Variants in KIAA1217 observed in about 807,000 individuals in gnomAD.
The protein encoded by KIAA1217 is KIAA1217, also known as sickle tail protein homolog.
KIAA1217 carries 88 observed loss-of-function variants against 163.9 expected under a neutral mutation model. The observed-to-expected ratio is 0.54, with a 90% CI of 0.45 to 0.64. The LOEUF (loss-of-function observed/expected upper bound fraction) is 0.64, where lower values mean the gene tolerates loss of function less well. Ranked by LOEUF, KIAA1217 falls within the 30% of genes least tolerant of loss-of-function variation. The pLI, the probability that KIAA1217 is intolerant of heterozygous loss-of-function variation, is 0.00. For synonymous variants in KIAA1217, 903 were observed against 923.1 expected, an observed-to-expected ratio of 0.98 and a Z score of 0.39; for missense variants, 2,372 against 2,475.0, an observed-to-expected ratio of 0.96 and a Z score of 0.88.
intron 2 of KIAA1217, among the ~76,000 whole-genome samples, chr10:24,225,983 G>C (rs1251328870): frequency 6.6e-6 from 1 of 152,170 alleles, no homozygotes; most frequent in African/African-American, 2.4e-5. Flanking sequence ...AGATGGTACA[G>C]ATAGAGAGGG....
chr10:23,804,067 G>T (rs561376074), intron 1 of KIAA1217, among the ~76,000 whole-genome samples: 1 of 152,032 alleles, frequency 6.6e-6, no homozygotes, highest in Non-Finnish European at 1.5e-5. Context: ...AAATATAGGC[G>T]TATGGGCAAA....
At chr10:23,895,228 T>G (rs960678033) in intron 1 of KIAA1217, among the ~76,000 whole-genome samples, 3 of 152,126 alleles carry the variant, frequency 2.0e-5, no homozygotes, top group South Asian at 4.1e-4. Context: ...GAGAAAATTT[T>G]CACAAACTAT....
chr10:24,095,950 A>C (rs149496172), intron 2 of KIAA1217, among the ~76,000 whole-genome samples: 109 of 152,164 alleles, frequency 7.2e-4, no homozygotes, highest in African/African-American at 2.2e-3. Context: ...GAAAAACAAA[A>C]AGTTTTCATT....
chr10:24,514,470 G>A (rs537033903), intron 10 of KIAA1217, among the ~76,000 whole-genome samples: 5 of 150,622 alleles, frequency 3.3e-5, no homozygotes, highest in African/African-American at 1.2e-4. Context: ...CAGTCTAGAG[G>A]GAAAAAAACA....
chr10:23,805,964 C>G (rs1374333578), intron 1 of KIAA1217, among the ~76,000 whole-genome samples: 2 of 115,464 alleles, frequency 1.7e-5, no homozygotes, highest in African/African-American at 3.5e-5. Context: ...TGCAGTGACT[C>G]GAGCCTGGGC....
intron 1 of KIAA1217, among the ~76,000 whole-genome samples, chr10:23,744,707 A>G (rs1047249917): frequency 6.6e-6 from 1 of 152,244 alleles, no homozygotes; most frequent in African/African-American, 2.4e-5. Flanking sequence ...GCAGAGAAAC[A>G]GAACCAATAG....
chr10:24,271,043 G>C (rs2076726183), intron 2 of KIAA1217, among the ~76,000 whole-genome samples: 1 of 152,146 alleles, frequency 6.6e-6, no homozygotes, highest in Non-Finnish European at 1.5e-5. Flanking sequence ...AAATGATTGA[G>C]GTTCAGTGTC....
intron 2 of KIAA1217, among the ~76,000 whole-genome samples, chr10:24,298,925 G>A (rs2040956970): frequency 6.6e-6 from 1 of 152,188 alleles, no homozygotes. Context: ...CAGAGCTTGG[G>A]CTCAGGAATT....
rs1022881894 is a variant in KIAA1217, at chr10:24,528,234, T to C, written c.3082+115T>C. The C allele has an allele frequency of 2.7e-5, 21 of 791,594 alleles. No homozygotes were observed. The African/African-American group carries it at 3.3e-4, about 12-fold the overall frequency. The allele number at this position is 791,594 out of a possible 1,614,324, so 49.0% of individuals were successfully genotyped here. A position where few individuals can be genotyped will look rare whatever the true frequency, so the allele number is the denominator to read the frequency against. On this transcript the variant is annotated intron_variant, in intron 14 of 20. Transcript: ENST00000376454. Reference sequence around the variant, plus strand: ...GAACCAATGTCTCAGTTCTTACAAATCTTACAAAATGTAAAACCTGGAAGA... The same window carrying C: ...GAACCAATGTCTCAGTTCTTACAAACCTTACAAAATGTAAAACCTGGAAGA...
chr10:24,350,729 G>A lies in KIAA1217; in HGVS notation c.355-30140G>A, dbSNP rs536366114. On this transcript the variant is annotated intron_variant, in intron 2 of 20. Transcript: ENST00000376454. The stretch of plus-strand genomic sequence containing the variant: ...CCTCTGGAGTCTACAAGTAAGTCTC[G>A]AGAGAAACTTCATAAAACAGATTGA... 4.0e-5 allele frequency among the ~76,000 whole-genome samples: 6 copies of A among 151,622 alleles called. No homozygotes were observed. The South Asian group carries it at 6.3e-4, about 16-fold the overall frequency.
chr10:23,804,205 G>A (rs1403662842), intron 1 of KIAA1217, among the ~76,000 whole-genome samples: 1 of 152,006 alleles, frequency 6.6e-6, no homozygotes, highest in Non-Finnish European at 1.5e-5. Context: ...AGGAGGACAG[G>A]TAGAGTGAAA....
At chr10:24,363,862 G>C (rs553215261) in intron 2 of KIAA1217, among the ~76,000 whole-genome samples, 1 of 152,014 alleles carries the variant, frequency 6.6e-6, no homozygotes, top group Non-Finnish European at 1.5e-5. Flanking sequence ...ATGGGCCACC[G>C]CACCAGGCCC....
chr10:23,702,785 C>T (rs941500145), intron 1 of KIAA1217, among the ~76,000 whole-genome samples: 3 of 151,612 alleles, frequency 2.0e-5, no homozygotes, highest in African/African-American at 7.3e-5. Flanking sequence ...CAGACAATAT[C>T]GAATCCACTT....
chr10:24,443,647 G>A (rs930889700), intron 5 of KIAA1217, among the ~76,000 whole-genome samples: 1 of 151,976 alleles, frequency 6.6e-6, no homozygotes, highest in African/African-American at 2.4e-5. Context: ...ACCATCTTCA[G>A]ATTTTGAGAA....
rs191313920 is a variant in KIAA1217 at position 23,864,821 on chromosome 10, C to T, written c.-320-142404C>T. 8.5e-5 allele frequency among the ~76,000 whole-genome samples: 13 copies of T among 152,228 alleles called. No homozygotes were observed. The East Asian group carries it at 2.5e-3, about 29-fold the overall frequency. ...ACAAATCCAAATTGTGCAGAGTAGG[C>T]TGGCAGGCTGGAGGCCAAGGGAAAA... On this transcript the variant is annotated intron_variant, in intron 1 of 18. Transcript: ENST00000376462.
At chr10:24,115,913 A>C (rs1490035126) in intron 2 of KIAA1217, among the ~76,000 whole-genome samples, 1 of 152,072 alleles carries the variant, frequency 6.6e-6, no homozygotes. Context: ...ATTTTTGCTG[A>C]TGGTCTCAGT....
At chr10:24,010,981 C>T (rs189212976) in intron 2 of KIAA1217, among the ~76,000 whole-genome samples, 3 of 152,240 alleles carry the variant, frequency 2.0e-5, no homozygotes, top group South Asian at 2.1e-4. Flanking sequence ...TAAGTCCAAT[C>T]TCTCCTTAAG....
intron 1 of KIAA1217, among the ~76,000 whole-genome samples, chr10:23,943,287 T>C (rs1229015564): frequency 6.6e-6 from 1 of 152,092 alleles, no homozygotes; most frequent in Admixed American, 6.5e-5. Context: ...CTAGAACAAA[T>C]AAATTTAGCA....
At chr10:24,405,635 T>C (rs751745222) in intron 3 of KIAA1217, among the ~76,000 whole-genome samples, 1 of 152,230 alleles carries the variant, frequency 6.6e-6, no homozygotes, top group African/African-American at 2.4e-5. Flanking sequence ...TATTTTGATA[T>C]GAGGTGTCAT....
Sources: allele counts gnomAD v4.1 joint callset (sites outside exome capture counted in the v4.1 genomes callset), GRCh38; gene constraint gnomAD v4.1.1; transcripts MANE v1.5; gene names NCBI Gene and HGNC (gene_info 2026-07-23, HGNC 2026-07-21).